Variants in FSTL4 observed in about 807,000 individuals in gnomAD.
FSTL4 encodes the protein follistatin like 4, also known as follistatin-related protein 4.
FSTL4 carries 28 observed loss-of-function variants against 78.2 expected under a neutral mutation model. That is an observed-to-expected ratio of 0.36 (90% CI 0.27 to 0.49). The LOEUF is 0.49. Ranked by LOEUF, FSTL4 falls within the 20% of genes least tolerant of loss-of-function variation. The pLI is 0.98. For missense variants in FSTL4, 922 were observed against 1,084.9 expected, an observed-to-expected ratio of 0.85 and a Z score of 2.11; for synonymous variants, 422 against 440.5, an observed-to-expected ratio of 0.96 and a Z score of 0.53.
intron 7 of FSTL4, among the ~76,000 whole-genome samples, chr5:133,235,354 C>CT (rs1052275813): frequency 6.6e-6 from 1 of 152,034 alleles, no homozygotes; most frequent in African/African-American, 2.4e-5. Flanking sequence ...AAAAAATTAG[C>CT]TGGGCGTGGA....
chr5:133,826,526 C>T, the FSTL4 span, among the ~76,000 whole-genome samples: 3 of 152,138 alleles, frequency 2.0e-5, no homozygotes, highest in Non-Finnish European at 4.4e-5. Context: ...GACTTGTGGC[C>T]GCATCACTCC....
chr5:133,312,456 AG>A, intron 6 of FSTL4, 197 bp downstream of exon 6: 2 of 597,546 alleles, frequency 3.3e-6, no homozygotes, highest in Admixed American at 3.0e-5. Context: ...GAACAGGGCA[AG>A]CCCTCTCTGG....
intron 6 of FSTL4, among the ~76,000 whole-genome samples, chr5:133,285,366 T>C (rs61546981): frequency 0.017 from 2,520 of 152,270 alleles, 71 homozygotes; most frequent in African/African-American, 0.057. Flanking sequence ...GGGGAACACA[T>C]ACAGCTCAAG....
chr5:133,535,338 C>T (rs902550216), intron 3 of FSTL4, among the ~76,000 whole-genome samples: 1 of 152,294 alleles, frequency 6.6e-6, no homozygotes, highest in South Asian at 2.1e-4. Flanking sequence ...ATGGCCATAA[C>T]GCCCAAGCTG....
At chr5:133,500,124 A>C (rs1758460813) in intron 3 of FSTL4, among the ~76,000 whole-genome samples, 2 of 152,168 alleles carry the variant, frequency 1.3e-5, no homozygotes, top group South Asian at 4.1e-4. Flanking sequence ...TTCAAGTTGA[A>C]GGCTTACGTT....
chr5:133,289,681 T>C (rs1353461207), intron 6 of FSTL4, among the ~76,000 whole-genome samples: 2 of 152,238 alleles, frequency 1.3e-5, no homozygotes, highest in Non-Finnish European at 2.9e-5. Context: ...GGACTAGTCC[T>C]GCAGCCTGTC....
chr5:133,221,642 G>A (rs1271373808), intron 11 of FSTL4, among the ~76,000 whole-genome samples: 1 of 152,154 alleles, frequency 6.6e-6, no homozygotes, highest in Non-Finnish European at 1.5e-5. Flanking sequence ...CTGTGCCAGA[G>A]CTGGAGCTAG....
the FSTL4 span, among the ~76,000 whole-genome samples, chr5:133,634,380 T>TTC: frequency 7.3e-6 from 1 of 136,824 alleles, no homozygotes; most frequent in Non-Finnish European, 1.6e-5. Flanking sequence ...AAACAGGCTT[T>TTC]TCTCTCTCTC....
At chr5:133,646,314 G>A in the FSTL4 span, among the ~76,000 whole-genome samples, 1 of 152,178 alleles carries the variant, frequency 6.6e-6, no homozygotes, top group Non-Finnish European at 1.5e-5. Context: ...AAGGCTCTGA[G>A]TGAGGGAACA....
chr5:133,377,722 C>T (rs553943136), intron 4 of FSTL4, among the ~76,000 whole-genome samples: 33 of 151,798 alleles, frequency 2.2e-4, no homozygotes, highest in African/African-American at 8.0e-4. Flanking sequence ...GAGAAAGGAA[C>T]AGAAAATTAT....
the FSTL4 span, among the ~76,000 whole-genome samples, chr5:133,641,847 T>TCTTCTTC: frequency 6.6e-6 from 1 of 151,952 alleles, no homozygotes; most frequent in East Asian, 1.9e-4. Context: ...CTTTCTTCTT[T>TCTTCTTC]CTTCTTCTTC....
chr5:133,461,604 A>G (rs1301075632), intron 3 of FSTL4, among the ~76,000 whole-genome samples: 1 of 152,236 alleles, frequency 6.6e-6, no homozygotes, highest in African/African-American at 2.4e-5. Context: ...TACGGAAGTT[A>G]CAAGCTAGGC....
the FSTL4 span, among the ~76,000 whole-genome samples, chr5:133,685,159 G>A: frequency 3.3e-5 from 5 of 152,190 alleles, no homozygotes; most frequent in African/African-American, 9.7e-5. Context: ...CTCCTCTGGT[G>A]CAAAGGACTT....
the FSTL4 span, among the ~76,000 whole-genome samples, chr5:133,777,077 C>T: frequency 6.6e-6 from 1 of 152,116 alleles, no homozygotes; most frequent in Admixed American, 6.5e-5. Context: ...CTGCACCAAG[C>T]ATAGAAATAA....
rs1760043848 is a variant in FSTL4 at position 133,567,185 on chromosome 5, C to T, written c.160+1G>A. ...AATGGGTATGAGTGCATTTTTCCTA[C>T]CTTCTCTTCTTGTGACTTCAAAGCT... is the stretch of plus-strand genomic sequence containing the variant. On this transcript the variant is annotated splice_donor_variant, in intron 3 of 15. Transcript: ENST00000265342. LOFTEE classifies it high-confidence loss of function. 6.2e-7 allele frequency: 1 copy of T among 1,605,108 alleles called. No homozygotes were observed. Among genetic ancestry groups the T allele is most frequent in the Non-Finnish European group, 8.5e-7 (1 of 1,171,804 alleles).
chr5:133,746,073 C>T, the FSTL4 span, among the ~76,000 whole-genome samples: 1 of 152,134 alleles, frequency 6.6e-6, no homozygotes, highest in Non-Finnish European at 1.5e-5. Flanking sequence ...AGTTTTTTAA[C>T]GCCTGAGAAA....
At chr5:133,618,843 G>A in the FSTL4 span, among the ~76,000 whole-genome samples, 12 of 152,124 alleles carry the variant, frequency 7.9e-5, no homozygotes, top group African/African-American at 1.2e-4. Context: ...CAGGATTTAC[G>A]TACTACAAAT....
intron 13 of FSTL4, chr5:133,210,859 C>CTTT (rs1252389246): frequency 6.6e-6 from 1 of 152,170 alleles, no homozygotes; most frequent in African/African-American, 2.4e-5. Flanking sequence ...GGACCTAGAC[C>CTTT]AACATGGCAA....
At chr5:133,682,959 C>T in the FSTL4 span, among the ~76,000 whole-genome samples, 1 of 152,158 alleles carries the variant, frequency 6.6e-6, no homozygotes, top group African/African-American at 2.4e-5. Flanking sequence ...ACCACTGAGC[C>T]ATCTTGGTGG....
Sources: gnomAD v4.1 joint callset for allele counts (sites outside exome capture counted in the v4.1 genomes callset) on GRCh38, gnomAD v4.1.1 for gene constraint, MANE v1.5 for transcripts, NCBI Gene and HGNC (gene_info 2026-07-23, HGNC 2026-07-21) for gene names.